Variants in SMARCA4 observed in about 807,000 individuals in gnomAD.
The protein encoded by SMARCA4 is SWI/SNF-related matrix-associated actin-dependent regulator of chromatin subfamily A member 4.
Under a neutral mutation model 193.9 loss-of-function variants are expected in SMARCA4, and 31 were observed. That is an observed-to-expected ratio of 0.16 (90% CI 0.12 to 0.22). The LOEUF is 0.22. SMARCA4 is among the 10% of genes least tolerant of loss of function. The pLI is 1.00. For missense variants in SMARCA4, 1,148 were observed against 2,296.0 expected (o/e 0.50, Z 10.22); for synonymous variants, 942 against 933.1 (o/e 1.01, Z -0.17).
At chr19:11,002,701 G>C (rs571337253) in intron 11 of SMARCA4, among the ~76,000 whole-genome samples, 12 of 148,546 alleles carry the variant, frequency 8.1e-5, no homozygotes, top group African/African-American at 3.0e-4. Context: ...GACTGAGGCA[G>C]AGAATTGCTT....
At chr19:10,970,647 T>C (rs1326464360) in intron 1 of SMARCA4, among the ~76,000 whole-genome samples, 2 of 152,270 alleles carry the variant, frequency 1.3e-5, no homozygotes, top group East Asian at 3.9e-4. Flanking sequence ...CCTCAAGCAG[T>C]CCTCCCACTT....
intron 30 of SMARCA4, among the ~76,000 whole-genome samples, chr19:11,046,218 G>A (rs1017836655): frequency 6.8e-6 from 1 of 146,862 alleles, no homozygotes; most frequent in African/African-American, 2.5e-5. Flanking sequence ...GCGAGACTCC[G>A]TCTCAAAAAA....
chr19:10,998,459 A>G (rs895758218), intron 11 of SMARCA4, among the ~76,000 whole-genome samples: 1 of 150,108 alleles, frequency 6.7e-6, no homozygotes, highest in Non-Finnish European at 1.5e-5. Context: ...AGACTCTGTA[A>G]CTATGTTGTA....
At chr19:10,975,931 C>T (rs1408672750) in intron 1 of SMARCA4, among the ~76,000 whole-genome samples, 1 of 152,198 alleles carries the variant, frequency 6.6e-6, no homozygotes. Context: ...ATTTGGCTTC[C>T]ACACGCTGTA....
rs369352435 is a variant in SMARCA4 at position 10,984,401 on chromosome 19, C to G, written c.222+28C>G. The G allele has an allele frequency of 4.6e-4, 720 of 1,555,042 alleles. 2 individuals are homozygous for G. Among genetic ancestry groups the G allele is most frequent in the Middle Eastern group, 2.5e-3 (14 of 5,554 alleles). The stretch of plus-strand genomic sequence containing the variant: ...AGGGATCCCTGTGCCCGCCTCGCAC[C>G]TGCGGCCTCTGCCCACTAGGGCTGC... On this transcript the variant is annotated intron_variant, in intron 2 of 34. Coordinates refer to ENST00000344626, the MANE Select transcript of SMARCA4 (RefSeq NM_003072.5). This position sits in a 1 kb window ranked among gnomAD's most constrained non-coding sequence, Gnocchi z 4.3.
In SMARCA4 at chr19:10,984,921, C is replaced by T. The variant is rs528643277; in HGVS notation, c.223-352C>T. On this transcript the variant is annotated intron_variant, in intron 2 of 34. Transcript: ENST00000344626. The surrounding 1 kb of genome is among the most constrained non-coding windows in gnomAD (Gnocchi z 4.3). ...TGGATGTGGTTAGAGGACATATTCC[C>T]TTATACATACAGCATCTGAAAGGAA... Among the ~76,000 whole-genome samples, 2 of 152,274 alleles carry T rather than the reference C, an allele frequency of 1.3e-5. No homozygotes were observed. The highest frequency in any genetic ancestry group is 4.8e-5 in the African/African-American group (2 of 41,556).
intron 16 of SMARCA4, 123 bp downstream of exon 16, chr19:11,013,235 G>A: frequency 9.2e-7 from 1 of 1,088,514 alleles, no homozygotes; most frequent in Non-Finnish European, 1.4e-6. Flanking sequence ...TGTTTTCCTG[G>A]AGGCCAGAAG....
At chr19:11,049,218 T>C (rs548770574) in intron 30 of SMARCA4, among the ~76,000 whole-genome samples, 1 of 152,098 alleles carries the variant, frequency 6.6e-6, no homozygotes, top group Admixed American at 6.5e-5. Flanking sequence ...GGGGCTTGAG[T>C]GGGGCTGCGC....
rs145292655 is a variant in SMARCA4, at chr19:11,019,175, T to C, written c.2505+152T>C. ...AGGACAGCCTGGAACTCCAGTCACA[T>C]GGATCCGGGAGTTTGGACTGGGCAG... is the stretch of plus-strand genomic sequence containing the variant. On this transcript the variant is annotated intron_variant, in intron 17 of 34. Coordinates refer to ENST00000344626, the MANE Select transcript of SMARCA4 (RefSeq NM_003072.5). The surrounding 1 kb of genome is among the most constrained non-coding windows in gnomAD (Gnocchi z 6.1). 4.9e-5 allele frequency: 35 copies of C among 719,792 alleles called. No individual in the cohort carries two copies. The highest frequency in any genetic ancestry group is 8.1e-5 in the Non-Finnish European group (32 of 396,302). 44.6% of individuals were successfully genotyped at this position (719,792 alleles called of 1,614,324 possible). A position where few individuals can be genotyped will look rare whatever the true frequency, so the allele number is the denominator to read the frequency against.
rs745646570 is a variant in SMARCA4, at chr19:11,030,824, G to T, written c.3477G>T (p.Gly1159=). 3.7e-6 allele frequency: 6 copies of T among 1,608,232 alleles called. No homozygotes were observed. ...YFIFLLSTRA[G]GLGLNLQSAD... ...TCTTCCTGCTCAGCACCCGGGCTGG[G>T]GGGCTCGGCCTGAACCTCCAGTCGG... is the stretch of plus-strand genomic sequence containing the variant. The change falls in exon 25 of 35, where the codon GGG becomes GGT. Residue 1159 remains glycine, a synonymous_variant. Transcript: ENST00000344626. This position sits in a 1 kb window ranked among gnomAD's most constrained non-coding sequence, Gnocchi z 5.5.
intron 30 of SMARCA4, among the ~76,000 whole-genome samples, chr19:11,053,980 G>A (rs2076403683): frequency 6.6e-6 from 1 of 152,200 alleles, no homozygotes; most frequent in African/African-American, 2.4e-5. Context: ...ATCCAGCAAA[G>A]GACTCCCCAG....
Position 10,985,552 on chromosome 19 carries a change from G to C in SMARCA4, c.355+147G>C, listed in dbSNP as rs1450691174. ...GGTGGCCCGCCACAGAGAGCTGTCT[G>C]GCATGGCGTGGCTGGTGCTCTGTTC... On this transcript the variant is annotated intron_variant, in intron 3 of 34. Transcript: ENST00000344626. The surrounding 1 kb of genome is among the most constrained non-coding windows in gnomAD (Gnocchi z 4.5). 2.0e-6 allele frequency: 2 copies of C among 976,300 alleles called. No individual in the cohort carries two copies. Among genetic ancestry groups the C allele is most frequent in the East Asian group, 5.2e-5 (2 of 38,308 alleles). 60.5% of individuals were successfully genotyped at this position (976,300 alleles called of 1,614,324 possible).
At chr19:11,002,949 G>T (rs749698554) in intron 11 of SMARCA4, 80 bp from the exon 12 acceptor site, 8 of 1,536,814 alleles carry the variant, frequency 5.2e-6, no homozygotes, top group Non-Finnish European at 7.2e-6. Flanking sequence ...AGTTGAGTGG[G>T]TGCTTCCCAC....
At chr19:10,999,923 A>G (rs1217628673) in intron 11 of SMARCA4, among the ~76,000 whole-genome samples, 1 of 151,900 alleles carries the variant, frequency 6.6e-6, no homozygotes, top group African/African-American at 2.4e-5. Flanking sequence ...TGTTCCAAAT[A>G]CTGTGTCCAG....
rs1807839895 is a variant in SMARCA4, at chr19:11,031,189, T to A, written c.3546+296T>A. 4 of 434,888 alleles carry A rather than the reference T, an allele frequency of 9.2e-6. No homozygotes were observed. The highest frequency in any genetic ancestry group is 1.3e-5 in the Non-Finnish European group (3 of 231,396). 26.9% of individuals were successfully genotyped at this position (434,888 alleles called of 1,614,324 possible). On this transcript the variant is annotated intron_variant, in intron 25 of 34. Transcript: ENST00000344626. The surrounding 1 kb of genome is among the most constrained non-coding windows in gnomAD (Gnocchi z 4.3). ...GGCACCCATGAGGAGGTGGAAAGTA[T>A]CCTGATCAATCTGCGCCGTCACTGT... is the stretch of plus-strand genomic sequence containing the variant.
At chr19:10,989,559 C>A in intron 7 of SMARCA4, 116 bp downstream of exon 7, 1 of 1,203,676 alleles carries the variant, frequency 8.3e-7, no homozygotes, top group Non-Finnish European at 1.2e-6. Flanking sequence ...CTGTGAAAAG[C>A]AGCCGTGGCC....
chr19:11,043,066 G>A (rs573027992), intron 30 of SMARCA4, among the ~76,000 whole-genome samples: 24 of 152,266 alleles, frequency 1.6e-4, no homozygotes, highest in African/African-American at 4.8e-4. Flanking sequence ...CAAGGCGGGC[G>A]GATCACTTGA....
In SMARCA4 at chr19:11,041,097, G is replaced by C. The variant is rs974106929; in HGVS notation, c.4171-210G>C. 5 of 564,894 alleles carry C rather than the reference G, an allele frequency of 8.9e-6. No homozygotes were observed. The highest frequency in any genetic ancestry group is 3.3e-5 in the Admixed American group (1 of 30,588). The allele number at this position is 564,894 out of a possible 1,614,324, so 35.0% of individuals were successfully genotyped here. The stretch of plus-strand genomic sequence containing the variant: ...TTTTAAAGACAAGCTTGGGTGGGGT[G>C]CCTGCTGGGGGCAGTGCTGGTCTTT... On this transcript the variant is annotated intron_variant, in intron 29 of 34. Coordinates refer to ENST00000344626, the MANE Select transcript of SMARCA4 (RefSeq NM_003072.5). This position sits in a 1 kb window ranked among gnomAD's most constrained non-coding sequence, Gnocchi z 5.6.
intron 1 of SMARCA4, among the ~76,000 whole-genome samples, chr19:10,966,022 G>T (rs1427164064): frequency 2.8e-5 from 3 of 106,130 alleles, no homozygotes; most frequent in Non-Finnish European, 5.1e-5. Flanking sequence ...CGCTCTTGTT[G>T]CCCAGGCTGG....
Sources: gnomAD v4.1 joint callset for allele counts (sites outside exome capture counted in the v4.1 genomes callset) on GRCh38, gnomAD v4.1.1 for gene constraint, Gnocchi (gnomAD v3.1) non-coding constraint, MANE v1.5 for transcripts, NCBI Gene and HGNC (gene_info 2026-07-23, HGNC 2026-07-21) for gene names.